Variants in CSMD3 observed in about 807,000 individuals in gnomAD.
The protein encoded by CSMD3 is CUB and Sushi multiple domains 3.
A neutral mutation model predicts 435.2 loss-of-function variants in CSMD3; 177 were observed. The observed-to-expected ratio is 0.41, with a 90% CI of 0.36 to 0.46. The LOEUF is 0.46. Ranked by LOEUF, CSMD3 falls within the 20% of genes least tolerant of loss-of-function variation. CSMD3 has a pLI of 0.34. For synonymous variants in CSMD3, 1,656 were observed against 1,520.5 expected (o/e 1.09, Z -2.07); for missense variants, 4,265 against 4,504.6 (o/e 0.95, Z 1.52).
At chr8:112,948,224 C>A (rs2083683095) in intron 8 of CSMD3, among the ~76,000 whole-genome samples, 1 of 151,906 alleles carries the variant, frequency 6.6e-6, no homozygotes, top group African/African-American at 2.4e-5. Flanking sequence ...TAATCACTGG[C>A]AACAAAGAAG....
intron 41 of CSMD3, among the ~76,000 whole-genome samples, chr8:112,344,029 C>T (rs1340569625): frequency 2.0e-5 from 3 of 152,036 alleles, no homozygotes; most frequent in Non-Finnish European, 4.4e-5. Context: ...ACTACAGGTG[C>T]GTGCCACCAT....
chr8:113,316,094 G>A (rs1014525496), intron 1 of CSMD3, among the ~76,000 whole-genome samples: 7 of 152,112 alleles, frequency 4.6e-5, no homozygotes, highest in African/African-American at 1.7e-4. Flanking sequence ...AAGAGAAGAT[G>A]GTCCCAGTCT....
Position 112,552,679 on chromosome 8 carries a change from T to G in CSMD3, c.4276A>C (p.Ile1426Leu). 1 of 1,612,078 alleles carries G rather than the reference T, an allele frequency of 6.2e-7. No individual in the cohort carries two copies. The highest frequency in any genetic ancestry group is 1.3e-5 in the African/African-American group (1 of 74,930). Residue 1426 changes from isoleucine to leucine, a missense_variant, in exon 26 of 71, where the codon ATC (isoleucine) becomes CTC (leucine). Around this residue, in one of 3 missense-constraint regions of CSMD3, gnomAD observed 3,255 missense variants for 3,380.2 expected, o/e 0.96. Coordinates refer to ENST00000297405, the MANE Select transcript of CSMD3 (RefSeq NM_198123.2). ...GGAAAAGGATAGCCAGGAGATAAGATTCTTCCTGATGATTCTCCTTTAAAA... is the reference window on the plus strand; with the variant it reads ...GGAAAAGGATAGCCAGGAGATAAGAGTCTTCCTGATGATTCTCCTTTAAAA... ...GRFKGESSGR[I>L]LSPGYPFPYD... is the part of the protein sequence containing the mutation.
chr8:112,760,983 C>T (rs567011180), intron 13 of CSMD3, among the ~76,000 whole-genome samples: 35 of 152,082 alleles, frequency 2.3e-4, no homozygotes, highest in East Asian at 5.8e-4. Context: ...TCGTGCCCTC[C>T]GAACATGGTC....
chr8:112,810,428 T>C (rs60476548), intron 12 of CSMD3, among the ~76,000 whole-genome samples: 2,859 of 152,236 alleles, frequency 0.019, 86 homozygotes, highest in African/African-American at 0.065. Flanking sequence ...ATAAGTCTAA[T>C]ATAAGTTAAT....
chr8:112,424,373 C>T (rs1812834135), intron 32 of CSMD3, among the ~76,000 whole-genome samples: 2 of 152,104 alleles, frequency 1.3e-5, no homozygotes, highest in South Asian at 2.1e-4. Context: ...CTCACATTAT[C>T]ATTATCAGTA....
intron 3 of CSMD3, among the ~76,000 whole-genome samples, chr8:113,237,080 C>A (rs1335215792): frequency 3.3e-5 from 5 of 152,056 alleles, no homozygotes; most frequent in Non-Finnish European, 5.9e-5. Flanking sequence ...TGCAGAATCC[C>A]AAATATTCAA....
At chr8:112,872,368 T>A (rs1277594816) in intron 10 of CSMD3, among the ~76,000 whole-genome samples, 5 of 152,008 alleles carry the variant, frequency 3.3e-5, no homozygotes, top group Non-Finnish European at 7.4e-5. Context: ...AAATGTAGAC[T>A]AATAATGAAA....
intron 17 of CSMD3, among the ~76,000 whole-genome samples, chr8:112,664,588 T>C (rs748548428): frequency 6.6e-6 from 1 of 152,170 alleles, no homozygotes; most frequent in Non-Finnish European, 1.5e-5. Context: ...GTGGGCTAAA[T>C]TGTGTTCCCC....
At chr8:112,346,643 C>T (rs1825694892) in intron 40 of CSMD3, among the ~76,000 whole-genome samples, 2 of 138,748 alleles carry the variant, frequency 1.4e-5, no homozygotes, top group African/African-American at 5.4e-5. Context: ...AAGAGGAAAT[C>T]ATTTTCACAG....
Position 112,503,921 on chromosome 8 carries a change from T to C in CSMD3, c.4952A>G (p.Asn1651Ser). The change falls in exon 30 of 71, where the codon AAT becomes AGT. Residue 1651 changes from asparagine (N) to serine (S), a missense_variant. Asn to Ser is a conservative substitution (Grantham distance 46, BLOSUM62 1). This residue lies in a region of CSMD3 where 3,255 missense variants were observed against 3,380.2 expected (regional missense o/e 0.96). Coordinates refer to ENST00000297405, the MANE Select transcript of CSMD3 (RefSeq NM_198123.2). ...FLYIYDGPDS[N>S]SPLIGSFQDS... The stretch of plus-strand genomic sequence containing the variant: ...TTGAAAACTTCCAATCAGTGGGCTA[T>C]TACTGTCTGGTCCATCATAGATATA... 1 of 1,612,242 alleles carries C rather than the reference T, an allele frequency of 6.2e-7. No homozygotes were observed. Among genetic ancestry groups the C allele is most frequent in the South Asian group, 1.1e-5 (1 of 91,038 alleles).
chr8:112,233,535 T>TC (rs1243241045), intron 68 of CSMD3, among the ~76,000 whole-genome samples: 1 of 152,158 alleles, frequency 6.6e-6, no homozygotes. Context: ...ACACTTTTTT[T>TC]CCTCAGGAAC....
At chr8:112,543,795 ATTAT>A in intron 27 of CSMD3, among the ~76,000 whole-genome samples, 1 of 152,186 alleles carries the variant, frequency 6.6e-6, no homozygotes, top group African/African-American at 2.4e-5. Flanking sequence ...TCATTGCAGT[ATTAT>A]TCACTATAGC....
chr8:113,269,550 C>T (rs1010063327), intron 3 of CSMD3, among the ~76,000 whole-genome samples: 1 of 152,160 alleles, frequency 6.6e-6, no homozygotes, highest in African/African-American at 2.4e-5. Flanking sequence ...CACTACCTGA[C>T]TTCAAACTAT....
At chr8:113,051,817 C>T (rs1184034558) in intron 5 of CSMD3, among the ~76,000 whole-genome samples, 1 of 152,094 alleles carries the variant, frequency 6.6e-6, no homozygotes, top group Admixed American at 6.6e-5. Flanking sequence ...AATGTCAACA[C>T]CTAACCTTCA....
rs962453195 is a variant in CSMD3, at chr8:112,266,216, T to A, written c.9509-626A>T. ...CCATTAATATATCCAACTCTGACGA[T>A]CCTCACGTTTGCATCCAACCCCTAA... On this transcript the variant is annotated intron_variant, in intron 59 of 70. Coordinates refer to ENST00000297405, the MANE Select transcript of CSMD3 (RefSeq NM_198123.2). Among the ~76,000 whole-genome samples the A allele has an allele frequency of 3.9e-5, 6 of 152,142 alleles. No homozygotes were observed. In the East Asian group the frequency reaches 1.2e-3, roughly 29 times the overall value.
intron 13 of CSMD3, among the ~76,000 whole-genome samples, chr8:112,714,628 C>T (rs1031360270): frequency 6.6e-6 from 1 of 152,174 alleles, no homozygotes; most frequent in Non-Finnish European, 1.5e-5. Flanking sequence ...ATACATTCTT[C>T]TCAGTGCCAC....
At position 112,903,730 on chromosome 8, in the gene CSMD3, T is replaced by C. The variant is rs186648762; in HGVS notation, c.1633+17897A>G. 6.7e-4 allele frequency among the ~76,000 whole-genome samples: 101 copies of C among 151,454 alleles called. 1 individual carries two copies. Among genetic ancestry groups the C allele is most frequent in the African/African-American group, 2.3e-3 (97 of 41,452 alleles). ...CTGATTTGAACACAATCGTCCTTAT[T>C]CTTACTAATAAGCTTACGGGAAACA... On this transcript the variant is annotated intron_variant, in intron 10 of 70. Transcript: ENST00000297405.
At chr8:113,026,422 G>A (rs368475884) in intron 5 of CSMD3, among the ~76,000 whole-genome samples, 1 of 151,954 alleles carries the variant, frequency 6.6e-6, no homozygotes, top group Admixed American at 6.6e-5. Flanking sequence ...TCATTGTTTT[G>A]GTCCTTTGTT....
Sources: gnomAD v4.1 joint callset for allele counts (sites outside exome capture counted in the v4.1 genomes callset) on GRCh38, gnomAD v4.1.1 for gene constraint, gnomAD v4.1.1 regional missense constraint, MANE v1.5 for transcripts, NCBI Gene and HGNC (gene_info 2026-07-23, HGNC 2026-07-21) for gene names.